The following TAF1 variants were observed in gnomAD, a reference collection of about 807,000 sequenced individuals.
The protein encoded by TAF1 is transcription initiation factor TFIID subunit 1.
A neutral mutation model predicts 138.5 loss-of-function variants in TAF1; 2 were observed. The observed-to-expected ratio is 0.01, with a 90% CI of 0.01 to 0.05. The LOEUF is 0.05. Among genes scored for constraint, TAF1 ranks in the 10% least tolerant of loss-of-function variants. The pLI is 1.00. For missense variants in TAF1, 709 were observed against 1,478.0 expected, an observed-to-expected ratio of 0.48 and a Z score of 8.53; for synonymous variants, 437 against 503.2, an observed-to-expected ratio of 0.87 and a Z score of 1.76.
intron 13 of TAF1, among the ~76,000 whole-genome samples, chrX:71,503,342 ATG>A (rs1471226167): frequency 1.0e-5 from 1 of 96,613 alleles, no homozygotes; most frequent in Non-Finnish European, 2.0e-5. Flanking sequence ...ATATATATAT[ATG>A]TGTATATATA....
intron 4 of TAF1, among the ~76,000 whole-genome samples, chrX:71,376,629 T>A (rs759193493): frequency 1.0e-4 from 11 of 107,454 alleles, no homozygotes; most frequent in Non-Finnish European, 2.1e-4. Flanking sequence ...ATCTCACCAC[T>A]GCACTCCAGC....
At chrX:71,452,747 C>T (rs1266928890) in intron 32 of TAF1, among the ~76,000 whole-genome samples, 1 of 111,908 alleles carries the variant, frequency 8.9e-6, no homozygotes, top group Non-Finnish European at 1.9e-5. Context: ...CGAGATCACG[C>T]CACTGCACTC....
intron 32 of TAF1, among the ~76,000 whole-genome samples, chrX:71,437,672 G>A (rs900217244): frequency 2.0e-4 from 22 of 107,951 alleles, no homozygotes; most frequent in Admixed American, 1.3e-3. Context: ...AAGAAAAAGA[G>A]AAATATTTCC....
chrX:71,489,624 TGAG>T (rs2039239051), intron 13 of TAF1, among the ~76,000 whole-genome samples: 1 of 106,213 alleles, frequency 9.4e-6, no homozygotes, highest in Non-Finnish European at 1.9e-5. Context: ...TGCGGTGAGC[TGAG>T]ATCACACCAT....
Position 71,464,258 on chromosome X carries a change from A to T in TAF1, c.*212A>T. The T allele has an allele frequency of 2.4e-6, 1 of 424,032 alleles. No homozygotes were observed. The highest frequency in any genetic ancestry group is 4.0e-6 in the Non-Finnish European group (1 of 247,324). 34.9% of individuals were successfully genotyped at this position (424,032 alleles called of 1,213,427 possible). A position where few individuals can be genotyped will look rare whatever the true frequency, so the allele number is the denominator to read the frequency against. ...GTCACCCTTTGATTTAAAACAAAGC[A>T]ACCCCCTTTCCCCTACCACTACGGA... On this transcript the variant is annotated 3_prime_UTR_variant, in exon 38 of 38. Transcript: ENST00000423759.
chrX:71,442,015 G>A (rs926798115), intron 32 of TAF1, among the ~76,000 whole-genome samples: 1 of 111,125 alleles, frequency 9.0e-6, no homozygotes, highest in East Asian at 2.8e-4. Context: ...TTTTATGGCT[G>A]CATAGTATTC....
intron 13 of TAF1, among the ~76,000 whole-genome samples, chrX:71,501,050 C>T (rs1215995141): frequency 6.2e-5 from 5 of 80,203 alleles, no homozygotes; most frequent in African/African-American, 2.8e-4. Context: ...GGGACAAGAA[C>T]GAGACTTCTC....
In TAF1 at chrX:71,442,063, A is replaced by G. The variant is rs756103783; in HGVS notation, c.4754-12107A>G. Among the ~76,000 whole-genome samples the G allele has an allele frequency of 2.0e-3, 220 of 111,521 alleles. 1 individual carries two copies. The highest frequency in any genetic ancestry group is 4.7e-3 in the Middle Eastern group (1 of 214). On this transcript the variant is annotated intron_variant, in intron 32 of 37. Transcript: ENST00000423759. ...GTGCCACATTTTCTTAATCCAGTCT[A>G]TCATCGATGGACATTTGGGTTGGTT... is the stretch of plus-strand genomic sequence containing the variant.
chrX:71,392,457 A>G lies in TAF1; in HGVS notation c.2782-112A>G, dbSNP rs567180439. The G allele has an allele frequency of 3.8e-5, 37 of 976,960 alleles. No homozygotes were observed. In the South Asian group the frequency reaches 1.1e-3, roughly 29 times the overall value. The allele number at this position is 976,960 out of a possible 1,213,427, so 80.5% of individuals were successfully genotyped here. A position where few individuals can be genotyped will look rare whatever the true frequency, so the allele number is the denominator to read the frequency against. ...GAGCATGAACCCACAGAAATTAAAA[A>G]TTAGAAAAAAAGAACATGAAAATAG... is the stretch of plus-strand genomic sequence containing the variant. On this transcript the variant is annotated intron_variant, in intron 18 of 37. Transcript: ENST00000423759.
chrX:71,454,700 TAAA>T lies in TAF1; in HGVS notation c.4822-39_4822-37del, dbSNP rs760173600. 8.8e-6 allele frequency: 10 copies of T among 1,138,176 alleles called. No individual in the cohort carries two copies. In the African/African-American group the frequency reaches 1.8e-4, roughly 21 times the overall value. 93.8% of individuals were successfully genotyped at this position (1,138,176 alleles called of 1,213,427 possible). A position where few individuals can be genotyped will look rare whatever the true frequency, so the allele number is the denominator to read the frequency against. ...TGTTTACTTTTGTATCCCCAGTACT[TAAA>T]ATACATGTTGAATGAATTTATTTTC... On this transcript the variant is annotated intron_variant, in intron 33 of 37. Coordinates refer to ENST00000423759, the MANE Select transcript of TAF1 (RefSeq NM_004606.5).
rs149954815 is a variant in TAF1, at chrX:71,483,602, C to CAAAT, written c.1366+22809_1366+22812dup. Among the ~76,000 whole-genome samples the CAAAT allele has an allele frequency of 4.3e-3, 465 of 107,146 alleles. 1 individual carries two copies. The highest frequency in any genetic ancestry group is 0.019 in the Middle Eastern group (4 of 215). The allele number at this position is 107,146 out of a possible 115,157, so 93.0% of individuals were successfully genotyped here. On this transcript the variant is annotated intron_variant and NMD_transcript_variant, in intron 13 of 14. Transcript: ENST00000373775. ...ACTCTGTCTCAAACAAACAAACAAA[C>CAAAT]AAATAAATAAATACATAAATAAAGA...
At position 71,527,279 on chromosome X, in the gene TAF1, G is replaced by A. The variant is rs182221456; in HGVS notation, c.1367-1263G>A. ...CACGTGCCTGTAATCCCAGCTACTCGGGAGTCTGAGGCAGGAGAATTGCTT... is the reference window on the plus strand; with the variant it reads ...CACGTGCCTGTAATCCCAGCTACTCAGGAGTCTGAGGCAGGAGAATTGCTT... On this transcript the variant is annotated intron_variant and NMD_transcript_variant, in intron 13 of 14. Transcript: ENST00000373775. Among the ~76,000 whole-genome samples the A allele has an allele frequency of 1.7e-3, 179 of 107,963 alleles. 2 individuals carry two copies. The East Asian group carries it at 0.039, about 23-fold the overall frequency. The allele number at this position is 107,963 out of a possible 115,157, so 93.8% of individuals were successfully genotyped here.
intron 13 of TAF1, among the ~76,000 whole-genome samples, chrX:71,506,528 T>A (rs923922514): frequency 2.8e-5 from 3 of 106,636 alleles, no homozygotes; most frequent in African/African-American, 1.0e-4. Flanking sequence ...ACTATAAATA[T>A]ATATTTTTTT....
chrX:71,525,029 C>G (rs997341294), intron 13 of TAF1, among the ~76,000 whole-genome samples: 2 of 109,972 alleles, frequency 1.8e-5, no homozygotes, highest in Non-Finnish European at 3.8e-5. Flanking sequence ...ACCTTTACCT[C>G]TGTGTTTATT....
intron 13 of TAF1, among the ~76,000 whole-genome samples, chrX:71,524,821 A>G (rs187342508): frequency 0.016 from 1,667 of 107,383 alleles, 12 homozygotes; most frequent in Non-Finnish European, 0.027. Flanking sequence ...GTTGCCTGTA[A>G]TCCCAACTAC....
At chrX:71,458,556 C>A (rs1258976490) in intron 35 of TAF1, among the ~76,000 whole-genome samples, 190 bp downstream of exon 35, 1 of 111,284 alleles carries the variant, frequency 9.0e-6, no homozygotes, top group Non-Finnish European at 1.9e-5. Flanking sequence ...GTTATATTCT[C>A]TCTGTCCCCA....
At chrX:71,392,835 T>A in intron 19 of TAF1, 40 bp from the exon 20 acceptor site, 1 of 1,205,792 alleles carries the variant, frequency 8.3e-7, no homozygotes, top group Non-Finnish European at 1.1e-6. Context: ...TAAAAGGAAT[T>A]CAGGTTTTTA....
intron 37 of TAF1, 110 bp downstream of exon 37, chrX:71,460,913 C>G: frequency 1.9e-6 from 2 of 1,052,365 alleles, no homozygotes; most frequent in Non-Finnish European, 2.6e-6. Context: ...TGGGCACCTA[C>G]TAGGGCCAGG....
At chrX:71,377,483 C>T in intron 5 of TAF1, 120 bp from the exon 6 acceptor site, 1 of 897,199 alleles carries the variant, frequency 1.1e-6, no homozygotes. Context: ...CTGAATGCGA[C>T]ACTCCTTTGT....
Sources: gnomAD v4.1 joint callset for allele counts (sites outside exome capture counted in the v4.1 genomes callset) on GRCh38, gnomAD v4.1.1 for gene constraint, MANE v1.5 for transcripts, NCBI Gene and HGNC (gene_info 2026-07-23, HGNC 2026-07-21) for gene names.